MYO18B: variants seen among roughly 807,000 people sequenced by gnomAD.
MYO18B encodes the protein myosin XVIIIB.
Under a neutral mutation model 273.0 loss-of-function variants are expected in MYO18B, and 204 were observed. The ratio of observed to expected loss-of-function variants is 0.75; its 90% CI spans 0.67 to 0.84. The LOEUF is 0.84. Ranked by LOEUF, MYO18B falls within the 40% of genes least tolerant of loss-of-function variation. The pLI, the probability that MYO18B is intolerant of heterozygous loss-of-function variation, is 0.00. For missense variants in MYO18B, 3,212 were observed against 3,287.6 expected, an observed-to-expected ratio of 0.98 and a Z score of 0.56; for synonymous variants, 1,330 against 1,305.7, an observed-to-expected ratio of 1.02 and a Z score of -0.40.
chr22:25,761,055 C>T lies in MYO18B; in HGVS notation c.-38C>T. 1 of 1,611,022 alleles carries T rather than the reference C, an allele frequency of 6.2e-7. No homozygotes were observed. The highest frequency in any genetic ancestry group is 1.1e-5 in the South Asian group (1 of 91,062). On this transcript the variant is annotated 5_prime_UTR_variant, in exon 2 of 44. Transcript: ENST00000335473. ...CGTGCTGTCTGGCAGGAAGCTCCAT[C>T]TCATCTCATCATCTCACGGCCCTGG...
In MYO18B at chr22:25,941,638, G is replaced by C. The variant is rs1258773532; in HGVS notation, c.5518-4499G>C. On this transcript the variant is annotated intron_variant, in intron 34 of 43. Coordinates refer to ENST00000335473, the MANE Select transcript of MYO18B (RefSeq NM_032608.7). ...GTCATCCATAATAAAAAATCAGCCAGAGGTGGCCCCATATTTCTTTCTGCT... is the reference window on the plus strand; with the variant it reads ...GTCATCCATAATAAAAAATCAGCCACAGGTGGCCCCATATTTCTTTCTGCT... Among the ~76,000 whole-genome samples, 6 of 152,252 alleles carry C rather than the reference G, an allele frequency of 3.9e-5. No homozygotes were observed. In the South Asian group the frequency reaches 1.2e-3, roughly 31 times the overall value.
At position 25,925,067 on chromosome 22, in the gene MYO18B, C is replaced by G. The variant is rs965660302; in HGVS notation, c.5517+3658C>G. 4.6e-5 allele frequency among the ~76,000 whole-genome samples: 7 copies of G among 152,222 alleles called. No homozygotes were observed. The East Asian group carries it at 9.6e-4, about 21-fold the overall frequency. ...GCACACAGCAATACATGTCCTATAC[C>G]CTTACAACTTGGTTTGACCAATACG... On this transcript the variant is annotated intron_variant, in intron 34 of 43. Transcript: ENST00000335473.
intron 34 of MYO18B, among the ~76,000 whole-genome samples, chr22:25,928,064 A>G (rs2092446213): frequency 6.6e-6 from 1 of 152,208 alleles, no homozygotes; most frequent in African/African-American, 2.4e-5. Context: ...ACACAGAGAC[A>G]GAAAGCATAT....
At chr22:26,047,928 C>G in the MYO18B span, among the ~76,000 whole-genome samples, 1 of 152,164 alleles carries the variant, frequency 6.6e-6, no homozygotes, top group Non-Finnish European at 1.5e-5. Flanking sequence ...ACACTGGCTG[C>G]CTGTCAGTTT....
At chr22:25,911,566 G>T (rs1302024717) in intron 33 of MYO18B, among the ~76,000 whole-genome samples, 1 of 152,190 alleles carries the variant, frequency 6.6e-6, no homozygotes, top group Admixed American at 6.5e-5. Flanking sequence ...CTGTCCATCA[G>T]TGTACACCAG....
chr22:25,868,199 C>T, intron 21 of MYO18B, 121 bp from the exon 22 acceptor site: 1 of 805,366 alleles, frequency 1.2e-6, no homozygotes, highest in East Asian at 2.7e-5. Flanking sequence ...TTAGCCAAAG[C>T]TCACAGACAT....
In MYO18B at chr22:25,835,354, A is replaced by G. The variant is rs34887758; in HGVS notation, c.3119A>G (p.Asp1040Gly). ...QDARGLFWVL[D>G]EEVHVEGSSD... ...GCCAGAGGCCTTTTCTGGGTCTTAG[A>G]TGAGGAAGTCCATGTAGAGGGCTCC... The change falls in exon 17 of 44, where the codon GAT becomes GGT. Residue 1040 changes from aspartate to glycine, a missense_variant. Transcript: ENST00000335473. 1.1e-4 allele frequency: 182 copies of G among 1,613,928 alleles called. No individual in the cohort carries two copies. Among genetic ancestry groups the G allele is most frequent in the Non-Finnish European group, 1.5e-4 (178 of 1,179,868 alleles).
chr22:25,908,260 C>T, intron 31 of MYO18B, 62 bp from the exon 32 acceptor site: 2 of 1,299,928 alleles, frequency 1.5e-6, no homozygotes, highest in Non-Finnish European at 2.2e-6. Flanking sequence ...CCAAGGATGA[C>T]ATGGAGGGCT....
Position 25,809,232 on chromosome 22 carries a change from C to T in MYO18B, c.2521+11135C>T, listed in dbSNP as rs1225330547. On this transcript the variant is annotated intron_variant, in intron 12 of 43. Transcript: ENST00000335473. ...CGCTGGGATTACAGGAGTGAGCCAC[C>T]AGCCTGGGCTGGTCTTTAACCTTCT... 2.0e-5 allele frequency among the ~76,000 whole-genome samples: 3 copies of T among 152,098 alleles called. No homozygotes were observed. The East Asian group carries it at 5.8e-4, about 29-fold the overall frequency.
intron 40 of MYO18B, among the ~76,000 whole-genome samples, chr22:26,001,970 G>A (rs1209036410): frequency 6.6e-6 from 1 of 152,270 alleles, no homozygotes; most frequent in African/African-American, 2.4e-5. Flanking sequence ...AGTAGGTGAG[G>A]AAGTACTCAA....
chr22:25,946,248 C>T lies in MYO18B; in HGVS notation c.5629C>T (p.Leu1877=). 6.4e-7 allele frequency: 1 copy of T among 1,567,544 alleles called. No individual in the cohort carries two copies. The highest frequency in any genetic ancestry group is 1.2e-5 in the South Asian group (1 of 84,632). Residue 1877 remains leucine (L), a splice_region_variant and synonymous_variant, in exon 35 of 44, where the codon CTG becomes TTG. Coordinates refer to ENST00000335473, the MANE Select transcript of MYO18B (RefSeq NM_032608.7). ...GGAGAACATGACGCGGAACAAGAGCCTGGTACCTGTCCCTTCCTGCAGCTG... is the reference window on the plus strand; with the variant it reads ...GGAGAACATGACGCGGAACAAGAGCTTGGTACCTGTCCCTTCCTGCAGCTG... The part of the protein sequence containing the change: ...ELENMTRNKS[L]VDEQLYRLQF...
At chr22:25,889,302 A>G (rs983700539) in intron 25 of MYO18B, among the ~76,000 whole-genome samples, 1 of 152,196 alleles carries the variant, frequency 6.6e-6, no homozygotes, top group Non-Finnish European at 1.5e-5. Flanking sequence ...TACGTTGCTC[A>G]TTGTAAGAAC....
At chr22:25,855,537 C>T (rs559038775) in intron 21 of MYO18B, among the ~76,000 whole-genome samples, 4 of 152,310 alleles carry the variant, frequency 2.6e-5, no homozygotes, top group Non-Finnish European at 4.4e-5. Flanking sequence ...ACCTCGGCCT[C>T]CCAAAGTGCT....
At position 25,921,267 on chromosome 22, in the gene MYO18B, G is replaced by T; in HGVS notation, c.5375G>T (p.Arg1792Leu). 1 of 1,551,748 alleles carries T rather than the reference G, an allele frequency of 6.4e-7. No individual in the cohort carries two copies. ...IGTLCDQIGH[R>L]DFDVEKRLRR... ...CCCTTTGGCTTTCAGATTGGCCATCGGGACTTTGATGTGGAGAAGCGACTT... is the reference window on the plus strand; with the variant it reads ...CCCTTTGGCTTTCAGATTGGCCATCTGGACTTTGATGTGGAGAAGCGACTT... Residue 1792 changes from arginine to leucine, a missense_variant, in exon 34 of 44, where the codon CGG becomes CTG. Arg to Leu is a moderately radical substitution (Grantham distance 102, BLOSUM62 -2). Transcript: ENST00000335473.
chr22:25,753,134 A>G lies in MYO18B; in HGVS notation c.-109-7850A>G, dbSNP rs577033581. 4.6e-5 allele frequency among the ~76,000 whole-genome samples: 7 copies of G among 152,254 alleles called. No individual in the cohort carries two copies. The East Asian group carries it at 1.4e-3, about 29-fold the overall frequency. ...CAGAGCCTCCACGGCACCGCGTCCC[A>G]TGGACTGCCCAAGCGCTGATCAGTG... On this transcript the variant is annotated intron_variant, in intron 1 of 43. Coordinates refer to ENST00000335473, the MANE Select transcript of MYO18B (RefSeq NM_032608.7).
intron 25 of MYO18B, among the ~76,000 whole-genome samples, chr22:25,884,194 A>G (rs1159936803): frequency 6.6e-6 from 1 of 152,116 alleles, no homozygotes; most frequent in African/African-American, 2.4e-5. Context: ...CAGAAAGTCT[A>G]TTTGCAAAGT....
At chr22:25,839,152 AT>A (rs1234030587) in intron 17 of MYO18B, among the ~76,000 whole-genome samples, 2 of 149,590 alleles carry the variant, frequency 1.3e-5, no homozygotes, top group African/African-American at 5.0e-5. Context: ...ATGAGTGTGT[AT>A]ATATGTGTGT....
rs760987427 is a variant in MYO18B at position 26,026,610 on chromosome 22, C to T, written c.6636C>T (p.Ala2212=). ...YCHFGDGEVL[A]VQRKSTERLE... Reference sequence around the variant, plus strand: ...ATTTTGGGGACGGCGAAGTGCTTGCCGTCCAGAGAAAGTCCACAGAGAGAT... The same window carrying T: ...ATTTTGGGGACGGCGAAGTGCTTGCTGTCCAGAGAAAGTCCACAGAGAGAT... Residue 2212 remains alanine, a synonymous_variant, in exon 43 of 44, where the codon GCC becomes GCT. Transcript: ENST00000335473. 1.2e-5 allele frequency: 20 copies of T among 1,613,672 alleles called. No individual in the cohort carries two copies. Among genetic ancestry groups the T allele is most frequent in the African/African-American group, 4.0e-5 (3 of 74,878 alleles).
At chr22:26,040,796 G>C in the MYO18B span, among the ~76,000 whole-genome samples, 2 of 152,154 alleles carry the variant, frequency 1.3e-5, no homozygotes, top group South Asian at 4.2e-4. Flanking sequence ...GTTGGAGTAG[G>C]GTGATCGAGT....
Sources: allele counts gnomAD v4.1 joint callset (sites outside exome capture counted in the v4.1 genomes callset), GRCh38; gene constraint gnomAD v4.1.1; transcripts MANE v1.5; gene names NCBI Gene and HGNC (gene_info 2026-07-23, HGNC 2026-07-21).